RGS6: variants seen among roughly 807,000 people sequenced by gnomAD.
The protein encoded by RGS6 is regulator of G protein signaling 6.
RGS6 carries 30 observed loss-of-function variants against 78.5 expected under a neutral mutation model. That is an observed-to-expected ratio of 0.38 (90% CI 0.29 to 0.52). RGS6 has a LOEUF of 0.52. RGS6 is among the 20% of genes least tolerant of loss of function. The pLI, the probability that RGS6 is intolerant of heterozygous loss-of-function variation, is 0.85. For missense variants in RGS6, 495 were observed against 609.7 expected, an observed-to-expected ratio of 0.81 and a Z score of 1.98; for synonymous variants, 206 against 206.0, an observed-to-expected ratio of 1.00 and a Z score of 0.00.
At chr14:71,905,287 C>T in the RGS6 span, among the ~76,000 whole-genome samples, 28 of 152,296 alleles carry the variant, frequency 1.8e-4, 1 homozygote, top group South Asian at 5.6e-3. Context: ...CCCAGATGAA[C>T]GACCTTAAAC....
chr14:72,488,738 A>C (rs780030877), intron 12 of RGS6, among the ~76,000 whole-genome samples: 1 of 152,072 alleles, frequency 6.6e-6, no homozygotes, highest in African/African-American at 2.4e-5. Flanking sequence ...GCCTCTCCTG[A>C]GCCTTCCCTA....
chr14:72,163,960 C>A (rs1400501790), intron 2 of RGS6, among the ~76,000 whole-genome samples: 1 of 150,998 alleles, frequency 6.6e-6, no homozygotes, highest in Non-Finnish European at 1.5e-5. Flanking sequence ...TGTTTCTGTT[C>A]AAGTATGAAT....
intron 3 of RGS6, among the ~76,000 whole-genome samples, chr14:72,377,617 G>T (rs754549744): frequency 6.6e-6 from 1 of 152,080 alleles, no homozygotes; most frequent in Non-Finnish European, 1.5e-5. Flanking sequence ...TCATCAGCAC[G>T]TGGAACATTC....
intron 3 of RGS6, among the ~76,000 whole-genome samples, chr14:72,353,713 T>G (rs529414138): frequency 2.0e-5 from 3 of 152,270 alleles, no homozygotes; most frequent in African/African-American, 7.2e-5. Context: ...CCAGGCATGA[T>G]GGCTCATGCC....
At chr14:72,432,189 A>G (rs551626378) in intron 3 of RGS6, among the ~76,000 whole-genome samples, 18 of 152,276 alleles carry the variant, frequency 1.2e-4, no homozygotes, top group African/African-American at 4.3e-4. Flanking sequence ...AGCCAGGGTT[A>G]TAAGGGACAG....
the RGS6 span, among the ~76,000 whole-genome samples, chr14:71,870,461 A>C: frequency 1.3e-5 from 2 of 152,108 alleles, no homozygotes; most frequent in Non-Finnish European, 2.9e-5. Flanking sequence ...GCCCCTGGAT[A>C]CTATTTAAGG....
At chr14:72,468,190 C>T (rs750785169) in intron 7 of RGS6, among the ~76,000 whole-genome samples, 3 of 152,074 alleles carry the variant, frequency 2.0e-5, no homozygotes, top group African/African-American at 7.2e-5. Context: ...ACCATCCTGG[C>T]TAACATGCTG....
intron 2 of RGS6, among the ~76,000 whole-genome samples, chr14:71,976,430 G>A (rs1278587614): frequency 1.7e-5 from 2 of 115,382 alleles, no homozygotes; most frequent in African/African-American, 3.5e-5. Context: ...CCCCACAACA[G>A]TCCCCAGAGT....
At chr14:71,994,129 G>A (rs946213401) in intron 2 of RGS6, among the ~76,000 whole-genome samples, 14 of 151,970 alleles carry the variant, frequency 9.2e-5, no homozygotes, top group African/African-American at 2.4e-4. Flanking sequence ...AAACAGACCT[G>A]ATCCAAACAC....
intron 2 of RGS6, among the ~76,000 whole-genome samples, chr14:72,320,536 C>T (rs1476262505): frequency 6.6e-6 from 1 of 151,880 alleles, no homozygotes; most frequent in Non-Finnish European, 1.5e-5. Flanking sequence ...AGAGATCACA[C>T]CACTACACTC....
At chr14:71,966,314 T>C (rs975492401) in intron 2 of RGS6, among the ~76,000 whole-genome samples, 2 of 152,220 alleles carry the variant, frequency 1.3e-5, no homozygotes, top group South Asian at 2.1e-4. Context: ...CAAATTATTC[T>C]GGCTTTGAGT....
intron 2 of RGS6, among the ~76,000 whole-genome samples, chr14:71,977,931 T>G (rs1009356766): frequency 3.6e-4 from 55 of 151,344 alleles, no homozygotes; most frequent in African/African-American, 1.2e-3. Flanking sequence ...TATCCTCTTT[T>G]ATTTCCTTGA....
At chr14:72,156,834 G>A (rs991803696) in intron 2 of RGS6, among the ~76,000 whole-genome samples, 1 of 152,220 alleles carries the variant, frequency 6.6e-6, no homozygotes, top group Non-Finnish European at 1.5e-5. Flanking sequence ...GGGACAGCCA[G>A]GCTGACTCCA....
chr14:72,104,139 T>C (rs2153531240), intron 2 of RGS6, among the ~76,000 whole-genome samples: 1 of 152,308 alleles, frequency 6.6e-6, no homozygotes, highest in East Asian at 1.9e-4. Flanking sequence ...AAATGCTACA[T>C]ATGGGATGGT....
rs1413457776 is a variant in RGS6 at position 72,193,625 on chromosome 14, T to C, written c.85-158470T>C. Reference sequence around the variant, plus strand: ...CAAATAAGTTTTACTTCCAGTAATATGTGGTATGGAGAAAAAGAAATGAAG... The same window carrying C: ...CAAATAAGTTTTACTTCCAGTAATACGTGGTATGGAGAAAAAGAAATGAAG... On this transcript the variant is annotated intron_variant, in intron 2 of 17. Coordinates refer to ENST00000553525, the MANE Select transcript of RGS6 (RefSeq NM_001204424.2). 2.6e-5 allele frequency among the ~76,000 whole-genome samples: 4 copies of C among 152,108 alleles called. No individual in the cohort carries two copies. In the South Asian group the frequency reaches 8.3e-4, roughly 32 times the overall value.
At chr14:72,329,154 G>A (rs569154934) in intron 2 of RGS6, among the ~76,000 whole-genome samples, 11 of 152,348 alleles carry the variant, frequency 7.2e-5, no homozygotes, top group African/African-American at 2.6e-4. Context: ...GATTACAGGC[G>A]TGAGCCACTG....
At chr14:72,476,681 C>T in intron 10 of RGS6, 61 bp from the exon 11 acceptor site, 1 of 1,405,960 alleles carries the variant, frequency 7.1e-7, no homozygotes, top group Non-Finnish European at 1.0e-6. Flanking sequence ...GACTAGCTGA[C>T]CCCTAAGCCA....
intron 2 of RGS6, among the ~76,000 whole-genome samples, chr14:72,279,683 A>G (rs946228840): frequency 1.3e-5 from 2 of 152,184 alleles, no homozygotes; most frequent in African/African-American, 4.8e-5. Flanking sequence ...ATCTCTGTTG[A>G]TGAAAAAGGA....
At chr14:72,138,194 A>G (rs146460998) in intron 2 of RGS6, among the ~76,000 whole-genome samples, 543 of 152,332 alleles carry the variant, frequency 3.6e-3, no homozygotes, top group Admixed American at 9.8e-3. Flanking sequence ...TCAAATGCCA[A>G]GGGCCTACTG....
Sources: allele counts gnomAD v4.1 joint callset (sites outside exome capture counted in the v4.1 genomes callset), GRCh38; gene constraint gnomAD v4.1.1; transcripts MANE v1.5; gene names NCBI Gene and HGNC (gene_info 2026-07-23, HGNC 2026-07-21).